NXPE4: variants seen among roughly 807,000 people sequenced by gnomAD.
NXPE4 encodes the protein NXPE family member 4.
NXPE4 carries 42 observed loss-of-function variants against 33.3 expected under a neutral mutation model. That is an observed-to-expected ratio of 1.26 (90% confidence interval 0.98 to 1.63). NXPE4 has a LOEUF of 1.63. Among genes scored for constraint, NXPE4 ranks in the 40% most tolerant of loss-of-function variants. The pLI, the probability that NXPE4 is intolerant of heterozygous loss-of-function variation, is 0.00. For synonymous variants in NXPE4, 253 were observed against 234.9 expected (o/e 1.08, Z -0.71); for missense variants, 709 against 647.6 (o/e 1.09, Z -1.03).
At chr11:114,581,587 G>T (rs1565332249) in intron 4 of NXPE4, 138 bp downstream of exon 4, 2 of 678,278 alleles carry the variant, frequency 2.9e-6, no homozygotes, top group Non-Finnish European at 5.2e-6. Flanking sequence ...TAGGTAACTG[G>T]TGTCTTGGCC....
the NXPE4 span, among the ~76,000 whole-genome samples, chr11:114,607,683 C>A: frequency 6.9e-6 from 1 of 145,152 alleles, no homozygotes; most frequent in Non-Finnish European, 1.5e-5. Flanking sequence ...TGTTGAGTTG[C>A]GGGTAACCAC....
the NXPE4 span, among the ~76,000 whole-genome samples, chr11:114,619,667 T>C: frequency 2.1e-5 from 3 of 146,144 alleles, no homozygotes; most frequent in East Asian, 2.1e-4. Flanking sequence ...AGTGTTGCCT[T>C]GTGGGTAACC....
chr11:114,624,796 C>T, the NXPE4 span, among the ~76,000 whole-genome samples: 2 of 152,122 alleles, frequency 1.3e-5, no homozygotes, highest in Non-Finnish European at 2.9e-5. Context: ...AGCACTGTTA[C>T]CCGGTGGATA....
the NXPE4 span, among the ~76,000 whole-genome samples, chr11:114,651,291 G>C: frequency 1.3e-5 from 2 of 151,806 alleles, no homozygotes; most frequent in African/African-American, 4.8e-5. Context: ...TCGTGGTCTC[G>C]CTGACTTTAG....
At chr11:114,663,338 T>G in the NXPE4 span, among the ~76,000 whole-genome samples, 1 of 152,198 alleles carries the variant, frequency 6.6e-6, no homozygotes, top group East Asian at 1.9e-4. Flanking sequence ...TCTTGTAGCC[T>G]GCCAATGTCT....
chr11:114,631,012 A>G, the NXPE4 span, among the ~76,000 whole-genome samples: 205 of 151,120 alleles, frequency 1.4e-3, 1 homozygote, highest in African/African-American at 4.6e-3. Flanking sequence ...ATCATTAAAA[A>G]GTCAGGAAAC....
the NXPE4 span, among the ~76,000 whole-genome samples, chr11:114,604,611 G>A: frequency 9.9e-5 from 15 of 151,978 alleles, no homozygotes; most frequent in Admixed American, 2.0e-4. Flanking sequence ...ATTACCCACC[G>A]GATACTAAGT....
intron 2 of NXPE4, among the ~76,000 whole-genome samples, chr11:114,592,986 A>G (rs866363115): frequency 7.2e-5 from 11 of 152,138 alleles, no homozygotes; most frequent in Non-Finnish European, 2.9e-5. Flanking sequence ...CAAAAGAATG[A>G]AATTAGACCA....
the NXPE4 span, among the ~76,000 whole-genome samples, chr11:114,659,516 CA>C: frequency 0.17 from 25,882 of 150,334 alleles, 2,473 homozygotes; most frequent in South Asian, 0.21. Context: ...AGTGGTCTAA[CA>C]AAAAAAGTTT....
chr11:114,674,661 C>G, the NXPE4 span, among the ~76,000 whole-genome samples: 1 of 151,510 alleles, frequency 6.6e-6, no homozygotes, highest in Non-Finnish European at 1.5e-5. Context: ...AAACAATGAA[C>G]AAAACTGTTC....
chr11:114,603,278 A>G, the NXPE4 span, among the ~76,000 whole-genome samples: 1 of 150,974 alleles, frequency 6.6e-6, no homozygotes, highest in African/African-American at 2.4e-5. Flanking sequence ...GGTGGATGAT[A>G]AGTATTGCCT....
intron 1 of NXPE4, 126 bp from the exon 2 acceptor site, chr11:114,594,895 A>G: frequency 1.7e-6 from 1 of 578,386 alleles, no homozygotes; most frequent in Non-Finnish European, 3.1e-6. Flanking sequence ...AATAACTCCC[A>G]GAAATAAACC....
At chr11:114,631,776 T>G in the NXPE4 span, among the ~76,000 whole-genome samples, 1 of 151,828 alleles carries the variant, frequency 6.6e-6, no homozygotes, top group Non-Finnish European at 1.5e-5. Context: ...AAGTATTGCC[T>G]CATGAGTAAT....
chr11:114,631,897 T>C, the NXPE4 span, among the ~76,000 whole-genome samples: 3 of 151,410 alleles, frequency 2.0e-5, no homozygotes, highest in Admixed American at 6.6e-5. Flanking sequence ...ATAATAAGTA[T>C]TGCCTCGTGG....
the NXPE4 span, among the ~76,000 whole-genome samples, chr11:114,607,925 T>C: frequency 6.6e-6 from 1 of 151,918 alleles, no homozygotes; most frequent in Admixed American, 6.6e-5. Context: ...GGATAATAAG[T>C]ATTGCCTCAT....
the NXPE4 span, among the ~76,000 whole-genome samples, chr11:114,631,596 C>T: frequency 1.8e-4 from 28 of 151,794 alleles, no homozygotes; most frequent in Middle Eastern, 3.4e-3. Flanking sequence ...GTGGGTGCAG[C>T]GCACCAGCAT....
chr11:114,638,688 G>T, the NXPE4 span, among the ~76,000 whole-genome samples: 1 of 152,082 alleles, frequency 6.6e-6, no homozygotes, highest in African/African-American at 2.4e-5. Context: ...TAACAGACAG[G>T]ACCGTCAGCT....
At chr11:114,607,311 G>C in the NXPE4 span, among the ~76,000 whole-genome samples, 6 of 151,772 alleles carry the variant, frequency 4.0e-5, no homozygotes, top group Non-Finnish European at 7.4e-5. Context: ...TGCCTCGTGG[G>C]TCACCATTGT....
chr11:114,671,438 C>A, the NXPE4 span, among the ~76,000 whole-genome samples: 1 of 151,750 alleles, frequency 6.6e-6, no homozygotes, highest in Non-Finnish European at 1.5e-5. Context: ...ATCCAAGATA[C>A]TTAATAAAGT....
Sources: allele counts gnomAD v4.1 joint callset (sites outside exome capture counted in the v4.1 genomes callset), GRCh38; gene constraint gnomAD v4.1.1; transcripts MANE v1.5; gene names NCBI Gene and HGNC (gene_info 2026-07-23, HGNC 2026-07-21).